Variants in DNAH10 observed in about 807,000 individuals in gnomAD.
DNAH10 encodes axonemal beta dynein heavy chain 10.
A neutral mutation model predicts 506.6 loss-of-function variants in DNAH10; 348 were observed. The observed-to-expected ratio is 0.69, with a 90% CI of 0.63 to 0.75. The LOEUF is 0.75. DNAH10 is among the 30% of genes least tolerant of loss of function. The pLI, the probability that DNAH10 is intolerant of heterozygous loss-of-function variation, is 0.00. For synonymous variants in DNAH10, 2,059 were observed against 2,198.6 expected (o/e 0.94, Z 1.78); for missense variants, 5,179 against 5,787.1 (o/e 0.89, Z 3.41).
intron 77 of DNAH10, chr12:123,934,076 A>G: frequency 1.7e-6 from 1 of 580,464 alleles, no homozygotes; most frequent in Non-Finnish European, 3.1e-6. Context: ...GTAAAGATGC[A>G]GGGACTCTCC....
chr12:123,857,292 A>T (rs1476386810), intron 37 of DNAH10, 45 bp downstream of exon 37: 2 of 1,460,510 alleles, frequency 1.4e-6, no homozygotes, highest in Admixed American at 2.5e-5. Flanking sequence ...CATCCTTTCC[A>T]TTGGCTTTTT....
chr12:123,891,832 A>G (rs1034875110), intron 52 of DNAH10, among the ~76,000 whole-genome samples: 27 of 152,214 alleles, frequency 1.8e-4, no homozygotes, highest in African/African-American at 6.3e-4. Context: ...ACACAGAGCA[A>G]CATCAGCAGA....
intron 16 of DNAH10, 133 bp downstream of exon 16, chr12:123,801,565 A>G: frequency 8.6e-7 from 1 of 1,159,816 alleles, no homozygotes; most frequent in Non-Finnish European, 1.2e-6. Context: ...AAGAAATACA[A>G]GTTGCGGAAC....
intron 13 of DNAH10, among the ~76,000 whole-genome samples, chr12:123,798,412 G>A (rs1003534369): frequency 1.3e-5 from 2 of 152,336 alleles, no homozygotes; most frequent in East Asian, 3.9e-4. Context: ...AGGGGCAGGT[G>A]CTGCCCACTT....
chr12:123,783,015 T>C (rs1159617972), intron 6 of DNAH10, 92 bp from the exon 7 acceptor site: 1 of 1,256,322 alleles, frequency 8.0e-7, no homozygotes, highest in East Asian at 2.3e-5. Context: ...CTGATGAAGC[T>C]TGAGAGACGA....
intron 28 of DNAH10, 33 bp from the exon 29 acceptor site, chr12:123,838,423 C>G (rs1399589958): frequency 1.3e-6 from 2 of 1,583,088 alleles, no homozygotes; most frequent in African/African-American, 2.7e-5. Flanking sequence ...CCCTGCTCAC[C>G]CTGCTTGACG....
intron 2 of DNAH10, among the ~76,000 whole-genome samples, chr12:123,770,537 A>G (rs1485375673): frequency 1.4e-5 from 2 of 144,612 alleles, no homozygotes; most frequent in African/African-American, 5.2e-5. Flanking sequence ...GTTCTCTAAT[A>G]ATGTTGGTAC....
intron 36 of DNAH10, among the ~76,000 whole-genome samples, chr12:123,855,633 CAAAA>C (rs34517744): frequency 2.0e-5 from 2 of 102,116 alleles, no homozygotes; most frequent in Non-Finnish European, 4.1e-5. Context: ...GACCCTGTCT[CAAAA>C]AAAAAAAAAA....
In DNAH10 at chr12:123,848,797, G is replaced by C; in HGVS notation, c.6017G>C (p.Arg2006Pro). ...GAWGCFDEFN[R>P]IDASVLSVIS... is the part of the protein sequence containing the mutation. ...TGGGGCTGCTTTGATGAGTTTAATCGAATCGATGCTTCTGTGCTCTCCGTG... is the reference window on the plus strand; with the variant it reads ...TGGGGCTGCTTTGATGAGTTTAATCCAATCGATGCTTCTGTGCTCTCCGTG... The change falls in exon 34 of 79, where the codon CGA becomes CCA. Residue 2006 changes from arginine to proline, a missense_variant. Coordinates refer to ENST00000673944, the MANE Select transcript of DNAH10 (RefSeq NM_001372106.1). The C allele has an allele frequency of 6.2e-7, 1 of 1,613,830 alleles. No homozygotes were observed. The highest frequency in any genetic ancestry group is 1.1e-5 in the South Asian group (1 of 91,024).
At chr12:123,896,142 CACACACAGAGAG>C (rs1313800979) in intron 54 of DNAH10, among the ~76,000 whole-genome samples, 38 of 113,696 alleles carry the variant, frequency 3.3e-4, no homozygotes, top group African/African-American at 1.6e-3. Flanking sequence ...CACACACACA[CACACACAGAGAG>C]AGAGAGAGAG....
At chr12:123,796,455 T>TCAACAA (rs34059604) in intron 12 of DNAH10, among the ~76,000 whole-genome samples, 10 of 151,576 alleles carry the variant, frequency 6.6e-5, no homozygotes, top group African/African-American at 1.9e-4. Context: ...AGACTCTGCC[T>TCAACAA]CAACAACAAC....
In DNAH10 at chr12:123,931,658, C is replaced by G. The variant is rs933235359; in HGVS notation, c.12939C>G (p.Ser4313Arg). The change falls in exon 75 of 79, where the codon AGC becomes AGG. Residue 4313 changes from serine to arginine, a missense_variant. Transcript: ENST00000673944. Reference protein sequence around the residue: ...PQTGESSSGISRDDYIGQVAK... With the variant: ...PQTGESSSGIRRDDYIGQVAK... ...TAGGGGAATCCAGCAGTGGTATCAGCCGCGATGATTATATTGGCCAAGTGG... is the reference window on the plus strand; with the variant it reads ...TAGGGGAATCCAGCAGTGGTATCAGGCGCGATGATTATATTGGCCAAGTGG... The G allele has an allele frequency of 6.2e-7, 1 of 1,613,934 alleles. No individual in the cohort carries two copies. Among genetic ancestry groups the G allele is most frequent in the Non-Finnish European group, 8.5e-7 (1 of 1,179,902 alleles).
chr12:123,906,601 G>T (rs953429913), intron 57 of DNAH10, among the ~76,000 whole-genome samples: 1 of 152,176 alleles, frequency 6.6e-6, no homozygotes, highest in Non-Finnish European at 1.5e-5. Context: ...CTGCAAGATT[G>T]TAAAATAATT....
chr12:123,862,689 C>T (rs1951658778), intron 39 of DNAH10, among the ~76,000 whole-genome samples: 1 of 152,140 alleles, frequency 6.6e-6, no homozygotes, highest in Non-Finnish European at 1.5e-5. Context: ...CCATGCCTGG[C>T]CGTTGAGTCC....
intron 26 of DNAH10, among the ~76,000 whole-genome samples, chr12:123,832,861 C>T (rs1023368303): frequency 1.3e-5 from 2 of 152,078 alleles, no homozygotes; most frequent in Non-Finnish European, 2.9e-5. Context: ...TGATAATAAT[C>T]CCTACCAATA....
chr12:123,898,440 C>T (rs1436274581), intron 55 of DNAH10, among the ~76,000 whole-genome samples: 2 of 152,246 alleles, frequency 1.3e-5, no homozygotes, highest in African/African-American at 4.8e-5. Context: ...AAAAAGTGCT[C>T]TGGCTGTTGG....
At chr12:123,829,928 G>A (rs565132128) in intron 25 of DNAH10, among the ~76,000 whole-genome samples, 1 of 152,322 alleles carries the variant, frequency 6.6e-6, no homozygotes, top group Admixed American at 6.5e-5. Context: ...TTGTGTCTGT[G>A]TGCACAGGAG....
Position 123,919,624 on chromosome 12 carries a change from C to G in DNAH10, c.11506+675C>G, listed in dbSNP as rs957874712. On this transcript the variant is annotated intron_variant, in intron 65 of 78. Coordinates refer to ENST00000673944, the MANE Select transcript of DNAH10 (RefSeq NM_001372106.1). This position sits in a 1 kb window ranked among gnomAD's most constrained non-coding sequence, Gnocchi z 4.9. ...CCCATTAGCAGTCACCCCCTGGCCC[C>G]CCACTCCTAGTCCCTGGCAGTCACC... Among the ~76,000 whole-genome samples, 1 of 152,200 alleles carries G rather than the reference C, an allele frequency of 6.6e-6. No homozygotes were observed. Among genetic ancestry groups the G allele is most frequent in the African/African-American group, 2.4e-5 (1 of 41,436 alleles).
chr12:123,813,987 C>G (rs1427250876), intron 21 of DNAH10, 75 bp downstream of exon 21: 14 of 1,356,912 alleles, frequency 1.0e-5, no homozygotes, highest in Non-Finnish European at 1.4e-5. Context: ...AAATGCTTCT[C>G]AAGTATACTG....
Sources: gnomAD v4.1 joint callset for allele counts (sites outside exome capture counted in the v4.1 genomes callset) on GRCh38, gnomAD v4.1.1 for gene constraint, Gnocchi (gnomAD v3.1) non-coding constraint, MANE v1.5 for transcripts, NCBI Gene and HGNC (gene_info 2026-07-23, HGNC 2026-07-21) for gene names.